The following PTPRH variants were observed in gnomAD, a reference collection of about 807,000 sequenced individuals.
PTPRH encodes the protein protein tyrosine phosphatase receptor type H.
Under a neutral mutation model 130.2 loss-of-function variants are expected in PTPRH, and 113 were observed. The ratio of observed to expected loss-of-function variants is 0.87; its 90% CI spans 0.75 to 1.01. The LOEUF is 1.01. Ranked by LOEUF, PTPRH falls within the 50% of genes least tolerant of loss-of-function variation. The pLI is 0.00. For missense variants in PTPRH, 1,430 were observed against 1,425.0 expected, an observed-to-expected ratio of 1.00 and a Z score of -0.06; for synonymous variants, 556 against 577.9, an observed-to-expected ratio of 0.96 and a Z score of 0.54.
chr19:55,181,837 C>A lies in PTPRH; in HGVS notation c.3265G>T (p.Glu1089Ter), dbSNP rs747304992. 1 of 1,614,176 alleles carries A rather than the reference C, an allele frequency of 6.2e-7. No homozygotes were observed. Among genetic ancestry groups the A allele is most frequent in the Admixed American group, 1.7e-5 (1 of 60,020 alleles). ...FLQQSAQAPA[E>*]KEVPYEDVEN... is the part of the protein sequence containing the mutation. The stretch of plus-strand genomic sequence containing the variant: ...ACATCCTCATACGGGACTTCCTTCT[C>A]GGCTGGGGCCTGGGCTGACTGTTGG... The change falls in exon 20 of 20, where the codon GAG (glutamate) becomes TAG (stop). Residue 1089 changes from glutamate (E) to a stop codon, truncating the protein, a stop_gained. Coordinates refer to ENST00000376350, the MANE Select transcript of PTPRH (RefSeq NM_002842.5). LOFTEE classifies it low-confidence loss of function (END_TRUNC).
intron 6 of PTPRH, among the ~76,000 whole-genome samples, chr19:55,201,725 G>A (rs569072847): frequency 6.6e-6 from 1 of 152,220 alleles, no homozygotes; most frequent in Non-Finnish European, 1.5e-5. Context: ...GAGGGTCAGA[G>A]TGTCCCCACT....
intron 5 of PTPRH, among the ~76,000 whole-genome samples, chr19:55,202,620 C>T (rs574326812): frequency 6.6e-6 from 1 of 150,604 alleles, no homozygotes; most frequent in Non-Finnish European, 1.5e-5. Context: ...CATATATATA[C>T]ACATACACAT....
intron 12 of PTPRH, chr19:55,189,800 G>C (rs1365625623): frequency 4.4e-6 from 2 of 450,318 alleles, no homozygotes; most frequent in East Asian, 1.4e-4. Flanking sequence ...GGGCAACCTG[G>C]TAAGACCACC....
At chr19:55,207,105 T>C (rs1222312962) in intron 2 of PTPRH, 61 bp downstream of exon 2, 3 of 1,606,474 alleles carry the variant, frequency 1.9e-6, no homozygotes, top group Non-Finnish European at 2.6e-6. Context: ...CCCCAGAGGC[T>C]CACGGCAGTT....
chr19:55,195,193 G>A (rs917065862), intron 10 of PTPRH, among the ~76,000 whole-genome samples: 2 of 152,072 alleles, frequency 1.3e-5, no homozygotes, highest in Admixed American at 6.6e-5. Context: ...GGCGTGGTAG[G>A]AGGCGCCTAT....
chr19:55,191,056 A>T (rs1600009355), intron 12 of PTPRH, among the ~76,000 whole-genome samples: 1 of 151,994 alleles, frequency 6.6e-6, no homozygotes. Flanking sequence ...GTTAGCCAGG[A>T]TGGTCTTGAT....
At chr19:55,196,821 A>G in intron 9 of PTPRH, 33 bp from the exon 10 acceptor site, 2 of 1,596,210 alleles carry the variant, frequency 1.3e-6, no homozygotes, top group Non-Finnish European at 1.7e-6. Flanking sequence ...CAGCAGTGCC[A>G]TCCAAGGTGG....
At chr19:55,185,295 G>T (rs2086286911) in intron 18 of PTPRH, among the ~76,000 whole-genome samples, 2 of 152,020 alleles carry the variant, frequency 1.3e-5, no homozygotes, top group African/African-American at 2.4e-5. Flanking sequence ...CTCCTGGCCT[G>T]CCTTTTCATC....
At chr19:55,186,713 G>A (rs2086347188) in intron 14 of PTPRH, among the ~76,000 whole-genome samples, 173 bp from the exon 15 acceptor site, 1 of 104,278 alleles carries the variant, frequency 9.6e-6, no homozygotes, top group Non-Finnish European at 1.9e-5. Flanking sequence ...GAGGGGCGGA[G>A]GGACCTCAGC....
intron 18 of PTPRH, among the ~76,000 whole-genome samples, chr19:55,184,579 G>A (rs1239198631): frequency 6.6e-6 from 1 of 151,936 alleles, no homozygotes; most frequent in Non-Finnish European, 1.5e-5. Context: ...ACGAGGTCAG[G>A]AGTTCGAGAC....
chr19:55,206,087 G>T lies in PTPRH; in HGVS notation c.353-495C>A, dbSNP rs542650190. The stretch of plus-strand genomic sequence containing the variant: ...GTCTCTACTAAAAATACAAAAGTTA[G>T]TTGGGCATGGTGGCACATGCCTGTA... On this transcript the variant is annotated intron_variant, in intron 3 of 19. Coordinates refer to ENST00000376350, the MANE Select transcript of PTPRH (RefSeq NM_002842.5). Among the ~76,000 whole-genome samples the T allele has an allele frequency of 2.0e-5, 3 of 152,086 alleles. 1 individual carries two copies. In the South Asian group the frequency reaches 6.2e-4, roughly 32 times the overall value.
intron 7 of PTPRH, among the ~76,000 whole-genome samples, chr19:55,199,465 T>C (rs527780286): frequency 6.6e-6 from 1 of 151,910 alleles, no homozygotes; most frequent in Admixed American, 6.6e-5. Flanking sequence ...ATTAGCTGGG[T>C]GTGGTGGTGC....
chr19:55,184,033 C>A (rs991069385), intron 18 of PTPRH, among the ~76,000 whole-genome samples: 1 of 151,924 alleles, frequency 6.6e-6, no homozygotes, highest in African/African-American at 2.4e-5. Context: ...GCCTGTAATC[C>A]CAGCACTTTG....
rs971465533 is a variant in PTPRH at position 55,207,468 on chromosome 19, G to A, written c.52-269C>T. Among the ~76,000 whole-genome samples the A allele has an allele frequency of 3.3e-5, 5 of 152,180 alleles. No homozygotes were observed. In the South Asian group the frequency reaches 6.2e-4, roughly 19 times the overall value. On this transcript the variant is annotated intron_variant, in intron 1 of 19. Transcript: ENST00000376350. ...GATAAAATTAATGATTTCATTTCCTGAAATATATGTCCTTGGAAAACCGAG... is the reference window on the plus strand; with the variant it reads ...GATAAAATTAATGATTTCATTTCCTAAAATATATGTCCTTGGAAAACCGAG...
chr19:55,197,468 C>T (rs1437348722), intron 8 of PTPRH, 52 bp from the exon 9 acceptor site: 4 of 1,517,534 alleles, frequency 2.6e-6, no homozygotes, highest in Non-Finnish European at 3.6e-6. Context: ...ACCCTCCTAC[C>T]CCAGCCTGTC....
chr19:55,206,881 C>T lies in PTPRH; in HGVS notation c.160G>A (p.Asp54Asn), dbSNP rs373696276. 40 of 1,613,752 alleles carry T rather than the reference C, an allele frequency of 2.5e-5. No homozygotes were observed. Among genetic ancestry groups the T allele is most frequent in the Non-Finnish European group, 3.2e-5 (38 of 1,179,754 alleles). The change falls in exon 3 of 20, where the codon GAT becomes AAT. Residue 54 changes from aspartate (D) to asparagine (N), a missense_variant. Transcript: ENST00000376350. Reference protein sequence around the residue: ...SSISLSWEVPDGLDSQNSNYW... With the variant: ...SSISLSWEVPNGLDSQNSNYW... ...TTGGAGTTCTGTGAGTCTAGGCCAT[C>T]GGGGACCTCCCAGCTCAGGGAGATG... is the stretch of plus-strand genomic sequence containing the variant.
rs565895363 is a variant in PTPRH at position 55,200,553 on chromosome 19, G to T, written c.1154-51C>A. 14 of 1,579,664 alleles carry T rather than the reference G, an allele frequency of 8.9e-6. No homozygotes were observed. The African/African-American group carries it at 1.3e-4, about 15-fold the overall frequency. On this transcript the variant is annotated intron_variant, in intron 6 of 19. Coordinates refer to ENST00000376350, the MANE Select transcript of PTPRH (RefSeq NM_002842.5). ...TGTTGTCGGAGATACAGAACAGAAC[G>T]GGGCAGGAGTGGGCCCCTCACTGCC...
rs574157013 is a variant in PTPRH at position 55,181,632 on chromosome 19, C to T, written c.*122G>A. 2 of 1,369,214 alleles carry T rather than the reference C, an allele frequency of 1.5e-6. No individual in the cohort carries two copies. The highest frequency in any genetic ancestry group is 1.4e-5 in the African/African-American group (1 of 69,220). 84.8% of individuals were successfully genotyped at this position (1,369,214 alleles called of 1,614,324 possible). A position where few individuals can be genotyped will look rare whatever the true frequency, so the allele number is the denominator to read the frequency against. ...GGAAACCAGAGTTTGGGATACCAGC[C>T]CCCTCCTCCCACAGCACCCAGGAGT... is the stretch of plus-strand genomic sequence containing the variant. On this transcript the variant is annotated 3_prime_UTR_variant, in exon 20 of 20. Transcript: ENST00000376350.
chr19:55,187,307 TGCACTCCA>T (rs2086379022), intron 14 of PTPRH, among the ~76,000 whole-genome samples, 198 bp downstream of exon 14: 1 of 107,522 alleles, frequency 9.3e-6, no homozygotes, highest in South Asian at 3.3e-4. Flanking sequence ...ATCGCGCCAC[TGCACTCCA>T]GCCTGGGTGA....
Sources: gnomAD v4.1 joint callset for allele counts (sites outside exome capture counted in the v4.1 genomes callset) on GRCh38, gnomAD v4.1.1 for gene constraint, MANE v1.5 for transcripts, NCBI Gene and HGNC (gene_info 2026-07-23, HGNC 2026-07-21) for gene names.